The following NKX2-5 variants were observed in gnomAD, a reference collection of about 807,000 sequenced individuals.
The protein encoded by NKX2-5 is homeobox protein Nkx-2.5.
In NKX2-5, 3 loss-of-function variants were observed where a neutral mutation model predicts 24.5. The observed-to-expected ratio is 0.12, with a 90% CI of 0.06 to 0.32. The LOEUF (loss-of-function observed/expected upper bound fraction) is 0.32, where lower values mean the gene tolerates loss of function less well. Ranked by LOEUF, NKX2-5 falls within the 10% of genes least tolerant of loss-of-function variation. The pLI is 1.00. For missense variants in NKX2-5, 429 were observed against 452.4 expected (o/e 0.95, Z 0.47); for synonymous variants, 215 against 217.6 (o/e 0.99, Z 0.11).
At chr5:173,233,532 TAAA>T (rs1275879896) in intron 1 of NKX2-5, 8 of 825,354 alleles carry the variant, frequency 9.7e-6, no homozygotes, top group Admixed American at 2.5e-5. Context: ...AATAAAAAAA[TAAA>T]AAAATAAAAA....
intron 1 of NKX2-5, chr5:173,233,890 GC>G: frequency 1.0e-6 from 1 of 985,454 alleles, no homozygotes; most frequent in Non-Finnish European, 1.2e-6. Context: ...CCGGCTGGCA[GC>G]GGCCCTTCGC....
At chr5:173,233,821 C>G in intron 1 of NKX2-5, 2 of 984,468 alleles carry the variant, frequency 2.0e-6, no homozygotes, top group South Asian at 9.4e-5. Context: ...TTCTAGCCGC[C>G]GTGCCCGCCC....
At chr5:173,233,529 A>AT in intron 1 of NKX2-5, 1 of 899,594 alleles carries the variant, frequency 1.1e-6, no homozygotes, top group South Asian at 1.6e-5. Flanking sequence ...ATAAATAAAA[A>AT]AATAAAAAAA....
At position 173,234,136 on chromosome 5, in the gene NKX2-5, T is replaced by G. The variant is rs923073675; in HGVS notation, c.334+614A>C. ...TCTCCGCCCTGGCCGCGCCGGCAAG[T>G]TGTGCTGAAAAAATAAAGTGAAGTC... On this transcript the variant is annotated intron_variant, in intron 1 of 1. Transcript: ENST00000329198. 1.6e-6 allele frequency: 2 copies of G among 1,288,884 alleles called. 1 individual carries two copies. Among genetic ancestry groups the G allele is most frequent in the Middle Eastern group, 4.3e-4 (2 of 4,696 alleles). 79.8% of individuals were successfully genotyped at this position (1,288,884 alleles called of 1,614,324 possible).
chr5:173,234,924 C>G lies in NKX2-5; in HGVS notation c.160G>C (p.Glu54Gln). 6.2e-7 allele frequency: 1 copy of G among 1,610,756 alleles called. No individual in the cohort carries two copies. The highest frequency in any genetic ancestry group is 8.5e-7 in the Non-Finnish European group (1 of 1,178,882). ...GCCGCCTCGGGCCCAGCGTAGGCCT[C>G]TGGCTTGAAGGCGGCCAGCATGCAG... is the stretch of plus-strand genomic sequence containing the variant. Reference protein sequence around the residue: ...SSCMLAAFKPEAYAGPEAAAP... With the variant: ...SSCMLAAFKPQAYAGPEAAAP... Residue 54 changes from glutamate to glutamine, a missense_variant, in exon 1 of 2, where the codon GAG becomes CAG. By Grantham distance (29) the Glu-to-Gln change is conservative. Transcript: ENST00000329198.
Position 173,234,737 on chromosome 5 carries a change from G to C in NKX2-5, c.334+13C>G. On this transcript the variant is annotated intron_variant, in intron 1 of 1. Coordinates refer to ENST00000329198, the MANE Select transcript of NKX2-5 (RefSeq NM_004387.4). ...CCCAGGAGGGGAGAAGGGGGCCTGT[G>C]TTTCCTCCTCACCTTTCTTTTCGGC... 4.0e-6 allele frequency: 6 copies of C among 1,506,316 alleles called. No homozygotes were observed. The highest frequency in any genetic ancestry group is 5.3e-6 in the Non-Finnish European group (6 of 1,130,012). The allele number at this position is 1,506,316 out of a possible 1,614,324, so 93.3% of individuals were successfully genotyped here. A position where few individuals can be genotyped will look rare whatever the true frequency, so the allele number is the denominator to read the frequency against.
chr5:173,233,551 C>T (rs1405303627), intron 1 of NKX2-5: 1 of 884,986 alleles, frequency 1.1e-6, no homozygotes, highest in Non-Finnish European at 1.7e-6. Flanking sequence ...AAAAATAAAA[C>T]CAGGTGATGC....
intron 1 of NKX2-5, among the ~76,000 whole-genome samples, chr5:173,233,695 G>T (rs1761393693): frequency 6.6e-6 from 1 of 152,174 alleles, no homozygotes; most frequent in Admixed American, 6.5e-5. Flanking sequence ...TGTTGGTTTG[G>T]TGATCGGAGG....
Position 173,234,837 on chromosome 5 carries a change from C to T in NKX2-5, c.247G>A (p.Ala83Thr), listed in dbSNP as rs750249799. 27 of 1,586,238 alleles carry T rather than the reference C, an allele frequency of 1.7e-5. No individual in the cohort carries two copies. The South Asian group carries it at 2.9e-4, about 17-fold the overall frequency. Residue 83 changes from alanine (A) to threonine (T), a missense_variant, in exon 1 of 2, where the codon GCG (alanine) becomes ACG (threonine). This residue lies in a region of NKX2-5 where 240 missense variants were observed against 240.4 expected (regional missense o/e 1.00). Coordinates refer to ENST00000329198, the MANE Select transcript of NKX2-5 (RefSeq NM_004387.4). ...GCGGGGGCGGCGGGAAAGGCAGACG[C>T]ACACTTGGCCGGTGAAGGCGCGCGG... is the stretch of plus-strand genomic sequence containing the variant. The part of the protein sequence containing the change: ...LGRAPSPAKC[A>T]SAFPAAPAFY...
chr5:173,233,200 G>A lies in NKX2-5; in HGVS notation c.344C>T (p.Ala115Val), dbSNP rs529610517. 2.5e-6 allele frequency: 4 copies of A among 1,600,386 alleles called. No homozygotes were observed. Among genetic ancestry groups the A allele is most frequent in the African/African-American group, 2.7e-5 (2 of 75,038 alleles). The change falls in exon 2 of 2, where the codon GCG (alanine) becomes GTG (valine). Residue 115 changes from alanine to valine, a missense_variant. Physicochemically the swap from Ala to Val is moderately conservative, Grantham distance 64. Coordinates refer to ENST00000329198, the MANE Select transcript of NKX2-5 (RefSeq NM_004387.4). Reference protein sequence around the residue: ...DPRAEKKELCALQKAVELEKT... With the variant: ...DPRAEKKELCVLQKAVELEKT... Reference sequence around the variant, plus strand: ...CTCCAGCTCCACCGCCTTCTGCAGCGCGCACAGCTCTGAGGGGGAACAGAG... The same window carrying A: ...CTCCAGCTCCACCGCCTTCTGCAGCACGCACAGCTCTGAGGGGGAACAGAG...
rs2113900083 is a variant in NKX2-5, at chr5:173,232,315, C to T, written c.*254G>A. 6 of 641,356 alleles carry T rather than the reference C, an allele frequency of 9.4e-6. No individual in the cohort carries two copies. Among genetic ancestry groups the T allele is most frequent in the South Asian group, 2.0e-5 (1 of 50,384 alleles). The allele number at this position is 641,356 out of a possible 1,614,324, so 39.7% of individuals were successfully genotyped here. On this transcript the variant is annotated 3_prime_UTR_variant, in exon 2 of 2. Transcript: ENST00000329198. The surrounding 1 kb of genome is among the most constrained non-coding windows in gnomAD (Gnocchi z 5.9). ...CCAACCGGGGGTGCCCATGGACTCT[C>T]GGAGGGCACTCCTGGGGGGACAGCT...
chr5:173,234,027 C>T, intron 1 of NKX2-5: 10 of 1,261,204 alleles, frequency 7.9e-6, no homozygotes, highest in Non-Finnish European at 1.0e-5. Flanking sequence ...CTGGGATGGC[C>T]TGCGGGATGA....
chr5:173,234,980 G>GC lies in NKX2-5; in HGVS notation c.103dup (p.Ala35GlyfsTer73). ...GGGCGCCAGGGTCGCCTCCAGGCGG[G>GC]CAGAGAGCTCTCCGGCGGCAGCCAG... On this transcript the variant is annotated frameshift_variant, in exon 1 of 2. Transcript: ENST00000329198. LOFTEE classifies it high-confidence loss of function. 1 of 1,612,162 alleles carries GC rather than the reference G, an allele frequency of 6.2e-7. No individual in the cohort carries two copies.
Position 173,232,948 on chromosome 5 carries a change from T to A in NKX2-5, c.596A>T (p.Asp199Val), listed in dbSNP as rs1761354484. 1 of 1,606,144 alleles carries A rather than the reference T, an allele frequency of 6.2e-7. No homozygotes were observed. The highest frequency in any genetic ancestry group is 8.5e-7 in the Non-Finnish European group (1 of 1,177,148). Residue 199 changes from aspartate (D) to valine (V), a missense_variant, in exon 2 of 2, where the codon GAC becomes GTC. Asp to Val is a radical substitution (Grantham distance 152, BLOSUM62 -3). Around this residue, in one of 3 missense-constraint regions of NKX2-5, gnomAD observed 183 missense variants for 185.9 expected, o/e 0.98. Transcript: ENST00000329198. The surrounding 1 kb of genome is among the most constrained non-coding windows in gnomAD (Gnocchi z 5.9). ...CAGCCCCACCAGCTCCAGAGTCTGG[T>A]CCTGCCGCTGCCGCTTGCACTTGTA... ...RRYKCKRQRQ[D>V]QTLELVGLPP... is the part of the protein sequence containing the mutation.
Position 173,232,897 on chromosome 5 carries a change from C to T in NKX2-5, c.647G>A (p.Arg216His), listed in dbSNP as rs1201267220. The change falls in exon 2 of 2, where the codon CGC (arginine) becomes CAC (histidine). Residue 216 changes from arginine to histidine, a missense_variant. By Grantham distance (29) the Arg-to-His change is conservative (BLOSUM62 0). Transcript: ENST00000329198. This position sits in a 1 kb window ranked among gnomAD's most constrained non-coding sequence, Gnocchi z 5.9. ...CACCAGCACTGGCACCGCGATCCTG[C>T]GGGCAGGCGGCGGCGGCGGCGGGGG... ...GLPPPPPPPA[R>H]RIAVPVLVRD... 4 of 1,607,744 alleles carry T rather than the reference C, an allele frequency of 2.5e-6. No individual in the cohort carries two copies. The highest frequency in any genetic ancestry group is 3.4e-6 in the Non-Finnish European group (4 of 1,177,886).
chr5:173,233,221 C>G lies in NKX2-5; in HGVS notation c.335-12G>C. The G allele has an allele frequency of 6.3e-7, 1 of 1,596,824 alleles. No individual in the cohort carries two copies. The highest frequency in any genetic ancestry group is 1.3e-5 in the African/African-American group (1 of 75,020). ...CAGCGCGCACAGCTCTGAGGGGGAA[C>G]AGAGAGGCAGAGAGACGCTTGGTAA... On this transcript the variant is annotated splice_polypyrimidine_tract_variant and intron_variant, in intron 1 of 1. Coordinates refer to ENST00000329198, the MANE Select transcript of NKX2-5 (RefSeq NM_004387.4).
intron 1 of NKX2-5, chr5:173,234,175 T>G: frequency 1.6e-6 from 2 of 1,280,476 alleles, no homozygotes. Context: ...TTCCTGAGGG[T>G]CCGCAGTATC....
rs1409304719 is a variant in NKX2-5, at chr5:173,233,049, G to A, written c.495C>T (p.Ala165=). The A allele has an allele frequency of 6.2e-7, 1 of 1,605,302 alleles. No individual in the cohort carries two copies. Among genetic ancestry groups the A allele is most frequent in the African/African-American group, 1.3e-5 (1 of 74,912 alleles). ...RRFKQQRYLS[A]PERDQLASVL... Reference sequence around the variant, plus strand: ...CGCTGGCCAGCTGGTCGCGTTCGGGGGCCGACAGGTACCGCTGCTGCTTGA... The same window carrying A: ...CGCTGGCCAGCTGGTCGCGTTCGGGAGCCGACAGGTACCGCTGCTGCTTGA... The change falls in exon 2 of 2, where the codon GCC becomes GCT. Residue 165 remains alanine, a synonymous_variant. Transcript: ENST00000329198.
intron 1 of NKX2-5, chr5:173,233,538 A>AAAAAAAAAAAAACAAAAC (rs1761388758): frequency 1.1e-6 from 1 of 948,504 alleles, no homozygotes; most frequent in Non-Finnish European, 1.6e-6. Flanking sequence ...AAAATAAAAA[A>AAAAAAAAAAAAACAAAAC]ATAAAAATAA....
Sources: allele counts gnomAD v4.1 joint callset (sites outside exome capture counted in the v4.1 genomes callset), GRCh38; gene constraint gnomAD v4.1.1; regional missense constraint gnomAD v4.1.1; non-coding constraint Gnocchi (gnomAD v3.1); transcripts MANE v1.5; gene names NCBI Gene and HGNC (gene_info 2026-07-23, HGNC 2026-07-21).